ADAMTSL1: variants seen among roughly 807,000 people sequenced by gnomAD.
ADAMTSL1 encodes the protein ADAMTS-like protein 1.
ADAMTSL1 carries 126 observed loss-of-function variants against 201.8 expected under a neutral mutation model. That is an observed-to-expected ratio of 0.62 (90% CI 0.54 to 0.72). The LOEUF (loss-of-function observed/expected upper bound fraction) is 0.72, where lower values mean the gene tolerates loss of function less well. ADAMTSL1 is among the 30% of genes least tolerant of loss of function. ADAMTSL1 has a pLI of 0.00. For synonymous variants in ADAMTSL1, 1,121 were observed against 903.4 expected, an observed-to-expected ratio of 1.24 and a Z score of -4.32; for missense variants, 2,679 against 2,277.8, an observed-to-expected ratio of 1.18 and a Z score of -3.59.
chr9:18,301,381 T>A (rs891725814), intron 2 of ADAMTSL1, among the ~76,000 whole-genome samples: 1 of 152,188 alleles, frequency 6.6e-6, no homozygotes, highest in African/African-American at 2.4e-5. Flanking sequence ...GGTACAGTAG[T>A]TCCCCCTTTT....
chr9:18,536,153 A>G (rs930025179), intron 3 of ADAMTSL1, among the ~76,000 whole-genome samples: 3 of 152,228 alleles, frequency 2.0e-5, no homozygotes, highest in Non-Finnish European at 4.4e-5. Context: ...AATTTTAAGA[A>G]AGAATATTTT....
intron 1 of ADAMTSL1, among the ~76,000 whole-genome samples, chr9:17,907,721 G>C (rs1209282500): frequency 6.6e-6 from 1 of 152,198 alleles, no homozygotes; most frequent in Non-Finnish European, 1.5e-5. Flanking sequence ...GGAGAAAGCT[G>C]CTTAGGGAAG....
chr9:17,939,720 C>G (rs1827157572), intron 1 of ADAMTSL1, among the ~76,000 whole-genome samples: 1 of 152,120 alleles, frequency 6.6e-6, no homozygotes, highest in South Asian at 2.1e-4. Flanking sequence ...ACACATTGTA[C>G]TCCCATACTA....
chr9:18,123,543 T>G (rs1304247178), intron 1 of ADAMTSL1, among the ~76,000 whole-genome samples: 1 of 152,206 alleles, frequency 6.6e-6, no homozygotes, highest in Non-Finnish European at 1.5e-5. Context: ...TTATTTATAC[T>G]CACATACATA....
intron 17 of ADAMTSL1, among the ~76,000 whole-genome samples, chr9:18,773,350 A>G (rs1347990698): frequency 2.6e-5 from 4 of 152,212 alleles, no homozygotes; most frequent in Admixed American, 2.0e-4. Flanking sequence ...AGAGTTTGAT[A>G]TTAAATATTT....
intron 2 of ADAMTSL1, among the ~76,000 whole-genome samples, chr9:18,361,508 A>G (rs765413363): frequency 6.6e-5 from 10 of 152,188 alleles, no homozygotes; most frequent in Non-Finnish European, 1.3e-4. Context: ...AGGTTCTTGC[A>G]TTTAAATGAC....
intron 1 of ADAMTSL1, among the ~76,000 whole-genome samples, chr9:18,489,375 G>C (rs551911670): frequency 2.2e-4 from 34 of 152,256 alleles, no homozygotes; most frequent in African/African-American, 7.7e-4. Context: ...GTCTATATGT[G>C]AGAGGAAGCA....
rs570590754 is a variant in ADAMTSL1, at chr9:18,075,246, A to G, written c.88-88616A>G. On this transcript the variant is annotated intron_variant, in intron 1 of 29. Coordinates refer to the ADAMTSL1 transcript ENST00000680146. The stretch of plus-strand genomic sequence containing the variant: ...TACTTAGTCTAATAAGAATATTACA[A>G]TAATGGTTATTAAATTTATTAAAAC... 4.6e-5 allele frequency among the ~76,000 whole-genome samples: 7 copies of G among 152,356 alleles called. No individual in the cohort carries two copies. The East Asian group carries it at 9.6e-4, about 21-fold the overall frequency.
intron 1 of ADAMTSL1, among the ~76,000 whole-genome samples, chr9:18,157,692 C>G (rs1827215324): frequency 1.3e-5 from 2 of 151,970 alleles, no homozygotes; most frequent in Non-Finnish European, 2.9e-5. Flanking sequence ...GGTAGAAGAA[C>G]AAACAGAATA....
chr9:18,073,788 G>A (rs993527129), intron 1 of ADAMTSL1, among the ~76,000 whole-genome samples: 2 of 152,070 alleles, frequency 1.3e-5, no homozygotes, highest in Admixed American at 6.5e-5. Context: ...TGACCTTGAG[G>A]GTGTCACCCA....
chr9:18,759,514 A>G (rs1036238947), intron 16 of ADAMTSL1, among the ~76,000 whole-genome samples: 1 of 152,182 alleles, frequency 6.6e-6, no homozygotes, highest in Non-Finnish European at 1.5e-5. Context: ...TAGAGGCTAT[A>G]TTTATTTAAA....
At chr9:18,124,066 C>A (rs1459816141) in intron 1 of ADAMTSL1, among the ~76,000 whole-genome samples, 5 of 120,830 alleles carry the variant, frequency 4.1e-5, no homozygotes, top group Non-Finnish European at 7.0e-5. Flanking sequence ...TTTTTATGTG[C>A]TTATTTGCCA....
intron 1 of ADAMTSL1, among the ~76,000 whole-genome samples, chr9:17,969,047 C>T (rs752681894): frequency 1.1e-4 from 17 of 151,894 alleles, no homozygotes; most frequent in African/African-American, 1.9e-4. Context: ...CTCACAGTTT[C>T]GGGGAGTTTT....
chr9:18,259,987 C>T (rs1831853317), intron 2 of ADAMTSL1, among the ~76,000 whole-genome samples: 1 of 152,106 alleles, frequency 6.6e-6, no homozygotes, highest in East Asian at 1.9e-4. Flanking sequence ...TGATACTACC[C>T]CTCTGGAAGA....
intron 15 of ADAMTSL1, among the ~76,000 whole-genome samples, chr9:18,744,444 T>C (rs1819015060): frequency 6.6e-6 from 1 of 152,258 alleles, no homozygotes; most frequent in Non-Finnish European, 1.5e-5. Flanking sequence ...GGCTACTTTC[T>C]CTGACTGACT....
chr9:18,488,749 C>A (rs531733932), intron 1 of ADAMTSL1, among the ~76,000 whole-genome samples: 11 of 152,196 alleles, frequency 7.2e-5, no homozygotes, highest in Non-Finnish European at 1.3e-4. Context: ...AATTTCCCTA[C>A]CTCATTCCAG....
chr9:17,913,001 T>C (rs959219145), intron 1 of ADAMTSL1, among the ~76,000 whole-genome samples: 3 of 152,194 alleles, frequency 2.0e-5, no homozygotes, highest in Non-Finnish European at 4.4e-5. Context: ...GTTGTAGATA[T>C]GTGGCGTTAT....
intron 1 of ADAMTSL1, among the ~76,000 whole-genome samples, chr9:18,101,822 T>G (rs975185560): frequency 6.6e-6 from 1 of 152,204 alleles, no homozygotes; most frequent in African/African-American, 2.4e-5. Context: ...GGCTCTAGTG[T>G]GCGTATGCAG....
chr9:18,535,849 A>G (rs7022259), intron 3 of ADAMTSL1, among the ~76,000 whole-genome samples: 36,051 of 152,048 alleles, frequency 0.24, 4,861 homozygotes, highest in East Asian at 0.63. Context: ...GCATGGGGAA[A>G]ATTGTCTGCA....
Sources: allele counts gnomAD v4.1 joint callset (sites outside exome capture counted in the v4.1 genomes callset), GRCh38; gene constraint gnomAD v4.1.1; transcripts MANE v1.5; gene names NCBI Gene and HGNC (gene_info 2026-07-23, HGNC 2026-07-21).